The following CPNE4 variants were observed in gnomAD, a reference collection of about 807,000 sequenced individuals.
CPNE4 encodes copine 4, also known as copine-4.
CPNE4 carries 25 observed loss-of-function variants against 67.9 expected under a neutral mutation model. The ratio of observed to expected loss-of-function variants is 0.37; its 90% CI spans 0.27 to 0.51. The LOEUF (loss-of-function observed/expected upper bound fraction) is 0.51, where lower values mean the gene tolerates loss of function less well. Ranked by LOEUF, CPNE4 falls within the 20% of genes least tolerant of loss-of-function variation. The pLI, the probability that CPNE4 is intolerant of heterozygous loss-of-function variation, is 0.93. For synonymous variants in CPNE4, 242 were observed against 244.9 expected (o/e 0.99, Z 0.11); for missense variants, 464 against 690.8 (o/e 0.67, Z 3.68).
chr3:131,993,472 C>CAAAAAAAAAAAAAAAAGA (rs2073217300), intron 1 of CPNE4, among the ~76,000 whole-genome samples: 1 of 60,474 alleles, frequency 1.7e-5, no homozygotes, highest in African/African-American at 5.5e-5. Flanking sequence ...GCAGGAGTGG[C>CAAAAAAAAAAAAAAAAGA]AAAAAAAAAA....
chr3:131,753,753 A>T (rs2082686090), intron 2 of CPNE4, among the ~76,000 whole-genome samples: 1 of 152,184 alleles, frequency 6.6e-6, no homozygotes, highest in African/African-American at 2.4e-5. Context: ...GACTGGTTAA[A>T]ATTTTTTTAA....
At chr3:131,871,026 C>G (rs1020199805) in intron 2 of CPNE4, among the ~76,000 whole-genome samples, 34 of 152,100 alleles carry the variant, frequency 2.2e-4, no homozygotes, top group African/African-American at 8.2e-4. Context: ...AGTTATTAAG[C>G]CACTTTAGTA....
intron 2 of CPNE4, among the ~76,000 whole-genome samples, chr3:131,795,962 C>T (rs540199207): frequency 7.9e-5 from 12 of 152,284 alleles, no homozygotes; most frequent in East Asian, 3.9e-4. Flanking sequence ...CAGGTTGCAA[C>T]GCTTTATGAG....
chr3:131,623,763 C>T lies in CPNE4; in HGVS notation c.682-36181G>A, dbSNP rs370805223. On this transcript the variant is annotated intron_variant, in intron 7 of 15. Coordinates refer to ENST00000429747, the MANE Select transcript of CPNE4 (RefSeq NM_130808.3). ...CCAAAATCTGCATTTAAACAAAATC[C>T]CCAGGTGGTTTTATGCATATTAAAG... Among the ~76,000 whole-genome samples the T allele has an allele frequency of 5.6e-4, 85 of 152,212 alleles. 2 individuals are homozygous for T. In the South Asian group the frequency reaches 0.017, roughly 31 times the overall value.
chr3:131,638,256 A>G (rs1163895640), intron 7 of CPNE4, among the ~76,000 whole-genome samples: 7 of 152,168 alleles, frequency 4.6e-5, no homozygotes, highest in Admixed American at 4.6e-4. Flanking sequence ...GCCGGAATGG[A>G]TAAGAATTCA....
upstream of CPNE4, chr3:132,037,915 T>G (rs7614351): frequency 0.027 from 7,289 of 271,970 alleles, 541 homozygotes; most frequent in African/African-American, 0.15. Flanking sequence ...GTCAGTGCCC[T>G]GCATCAAAAA....
intron 2 of CPNE4, among the ~76,000 whole-genome samples, chr3:131,789,347 T>G (rs1465453188): frequency 1.3e-5 from 2 of 152,156 alleles, no homozygotes; most frequent in Non-Finnish European, 2.9e-5. Flanking sequence ...TTTTACAAAA[T>G]GAGGTTATAA....
Position 131,587,581 on chromosome 3 carries a change from C to T in CPNE4, c.683G>A (p.Cys228Tyr). The T allele has an allele frequency of 6.2e-7, 1 of 1,602,836 alleles. No homozygotes were observed. The highest frequency in any genetic ancestry group is 8.5e-7 in the Non-Finnish European group (1 of 1,170,190). Residue 228 changes from cysteine (C) to tyrosine (Y), a missense_variant and splice_region_variant, in exon 8 of 16, where the codon TGC becomes TAC. This residue lies in a region of CPNE4 where 58 missense variants were observed against 63.5 expected (regional missense o/e 0.91). Coordinates refer to ENST00000429747, the MANE Select transcript of CPNE4 (RefSeq NM_130808.3). ...ATTGGAGTCCCAGTCCCATACTATG[C>T]ACTGTAAGAGAAAACAATGATCTTT... Reference protein sequence around the residue: ...CSGDPDRRLKCIVWDWDSNGK... With the variant: ...CSGDPDRRLKYIVWDWDSNGK...
intron 2 of CPNE4, among the ~76,000 whole-genome samples, chr3:131,797,824 C>A (rs1038417962): frequency 2.0e-5 from 3 of 152,060 alleles, no homozygotes; most frequent in Admixed American, 2.0e-4. Context: ...CAAGTGCACT[C>A]AGTGAATAAA....
chr3:131,813,261 A>G (rs1457658050), intron 2 of CPNE4, among the ~76,000 whole-genome samples: 2 of 151,644 alleles, frequency 1.3e-5, no homozygotes, highest in African/African-American at 2.4e-5. Context: ...TGTAATATAA[A>G]TTGAAGTTTG....
At chr3:131,975,368 C>T (rs567836773) in intron 1 of CPNE4, among the ~76,000 whole-genome samples, 1 of 152,290 alleles carries the variant, frequency 6.6e-6, no homozygotes, top group Non-Finnish European at 1.5e-5. Context: ...GAGTGAGTTA[C>T]CTGGGCATGA....
chr3:131,586,344 T>C (rs562483441), intron 8 of CPNE4, among the ~76,000 whole-genome samples: 5 of 152,006 alleles, frequency 3.3e-5, no homozygotes, highest in African/African-American at 1.2e-4. Context: ...CCAGGAAGCA[T>C]GAATAGAGGA....
chr3:131,972,510 A>G (rs1158581353), intron 1 of CPNE4, among the ~76,000 whole-genome samples: 1 of 152,218 alleles, frequency 6.6e-6, no homozygotes, highest in Admixed American at 6.5e-5. Context: ...ATTTCAAAAG[A>G]AAAACATCGG....
intron 2 of CPNE4, among the ~76,000 whole-genome samples, chr3:131,837,677 T>C (rs1459264810): frequency 6.6e-6 from 1 of 151,932 alleles, no homozygotes; most frequent in African/African-American, 2.4e-5. Context: ...AACTATATAC[T>C]ACCCTCCACC....
At chr3:131,907,592 C>A (rs1387690859) in intron 1 of CPNE4, among the ~76,000 whole-genome samples, 1 of 151,954 alleles carries the variant, frequency 6.6e-6, no homozygotes, top group Non-Finnish European at 1.5e-5. Flanking sequence ...ATTTCACACA[C>A]AAGCACACAC....
At chr3:131,917,985 A>T (rs2070622057) in intron 1 of CPNE4, among the ~76,000 whole-genome samples, 1 of 152,224 alleles carries the variant, frequency 6.6e-6, no homozygotes, top group Admixed American at 6.5e-5. Context: ...CTCACAGGCA[A>T]GAGTAATACT....
At chr3:131,631,752 TGTA>T (rs1032911347) in intron 7 of CPNE4, among the ~76,000 whole-genome samples, 2 of 151,726 alleles carry the variant, frequency 1.3e-5, no homozygotes, top group African/African-American at 4.8e-5. Context: ...GTGGGGGAAA[TGTA>T]GGAGGGGTTG....
intron 2 of CPNE4, among the ~76,000 whole-genome samples, chr3:131,902,720 A>G (rs887281033): frequency 1.3e-5 from 2 of 152,150 alleles, no homozygotes; most frequent in Non-Finnish European, 2.9e-5. Context: ...TGTACAAATA[A>G]TAGTTGAATT....
Position 131,650,155 on chromosome 3 carries a change from A to G in CPNE4, c.681+19520T>C, listed in dbSNP as rs574906556. Reference sequence around the variant, plus strand: ...ATCTGATTAGGTAAGGCCCACTAGTATAACTGCCCTTTAATTAGATATAAT... The same window carrying G: ...ATCTGATTAGGTAAGGCCCACTAGTGTAACTGCCCTTTAATTAGATATAAT... On this transcript the variant is annotated intron_variant, in intron 7 of 15. Coordinates refer to ENST00000429747, the MANE Select transcript of CPNE4 (RefSeq NM_130808.3). 3.9e-5 allele frequency among the ~76,000 whole-genome samples: 6 copies of G among 152,338 alleles called. No individual in the cohort carries two copies. In the South Asian group the frequency reaches 1.2e-3, roughly 32 times the overall value.
Sources: allele counts gnomAD v4.1 joint callset (sites outside exome capture counted in the v4.1 genomes callset), GRCh38; gene constraint gnomAD v4.1.1; regional missense constraint gnomAD v4.1.1; transcripts MANE v1.5; gene names NCBI Gene and HGNC (gene_info 2026-07-23, HGNC 2026-07-21).